Variants in TRPM3 observed in about 807,000 individuals in gnomAD.
TRPM3 encodes the protein long transient receptor potential channel 3.
A neutral mutation model predicts 181.2 loss-of-function variants in TRPM3; 77 were observed. That is an observed-to-expected ratio of 0.42 (90% CI 0.35 to 0.51). The LOEUF (loss-of-function observed/expected upper bound fraction) is 0.51, where lower values mean the gene tolerates loss of function less well. TRPM3 is among the 20% of genes least tolerant of loss of function. The pLI, the probability that TRPM3 is intolerant of heterozygous loss-of-function variation, is 0.01. For missense variants in TRPM3, 1,759 were observed against 2,196.7 expected, an observed-to-expected ratio of 0.80 and a Z score of 3.98; for synonymous variants, 745 against 796.4, an observed-to-expected ratio of 0.94 and a Z score of 1.09.
rs530735281 is a variant in TRPM3 at position 70,925,531 on chromosome 9, G to GA, written c.178-61021dup. On this transcript the variant is annotated intron_variant, in intron 1 of 25. Transcript: ENST00000677713. ...ATGGAACAAATGTTGGTAGAATATG[G>GA]AAAAAAATATATATATATATCCTCC... Among the ~76,000 whole-genome samples the GA allele has an allele frequency of 4.1e-3, 611 of 150,778 alleles. 3 individuals are homozygous for GA. The highest frequency in any genetic ancestry group is 0.014 in the African/African-American group (573 of 40,626).
intron 1 of TRPM3, among the ~76,000 whole-genome samples, chr9:71,289,010 G>A (rs2085545379): frequency 6.6e-6 from 1 of 152,072 alleles, no homozygotes; most frequent in Non-Finnish European, 1.5e-5. Context: ...AATGTAACTG[G>A]CTCAACAGTC....
intron 1 of TRPM3, among the ~76,000 whole-genome samples, chr9:71,397,690 C>T (rs185366978): frequency 1.3e-3 from 199 of 152,216 alleles, no homozygotes; most frequent in South Asian, 8.7e-3. Context: ...TAAGATTATG[C>T]AATTTGAAAT....
intron 1 of TRPM3, chr9:70,865,394 G>A (rs1483704928): frequency 6.6e-6 from 1 of 152,062 alleles, no homozygotes; most frequent in Non-Finnish European, 1.5e-5. Flanking sequence ...GCTGCTCAGA[G>A]GATTCCTTCT....
chr9:70,672,644 CT>C (rs2063194724), intron 9 of TRPM3, among the ~76,000 whole-genome samples: 1 of 152,168 alleles, frequency 6.6e-6, no homozygotes, highest in Non-Finnish European at 1.5e-5. Flanking sequence ...CACCCTTATT[CT>C]TGCCATTATA....
rs1564197207 is a variant in TRPM3 at position 70,536,959 on chromosome 9, A to G, written c.4154T>C (p.Val1385Ala). The change falls in exon 26 of 26, where the codon GTA becomes GCA. Residue 1385 changes from valine to alanine, a missense_variant. Coordinates refer to ENST00000677713, the MANE Select transcript of TRPM3 (RefSeq NM_001366145.2). ...SLHRATSSHSVAKEPKAPAAP... is the reference protein window; with the variant it reads ...SLHRATSSHSAAKEPKAPAAP... ...TGCAGGAGCTTTGGGTTCTTTTGCT[A>G]CAGAGTGGGAACTAGTAGCCCGGTG... 6.2e-7 allele frequency: 1 copy of G among 1,614,098 alleles called. No individual in the cohort carries two copies. Among genetic ancestry groups the G allele is most frequent in the Non-Finnish European group, 8.5e-7 (1 of 1,179,950 alleles).
intron 1 of TRPM3, among the ~76,000 whole-genome samples, chr9:70,895,771 A>C (rs575705180): frequency 6.6e-6 from 1 of 152,190 alleles, no homozygotes; most frequent in East Asian, 1.9e-4. Context: ...TTTATAACTT[A>C]CAAAAAAAAG....
chr9:70,923,392 T>C (rs1359027109), intron 1 of TRPM3, among the ~76,000 whole-genome samples: 1 of 152,114 alleles, frequency 6.6e-6, no homozygotes, highest in Admixed American at 6.6e-5. Flanking sequence ...GAACACTAGA[T>C]AGGATTACAA....
At chr9:70,948,526 T>C (rs2096960999) in intron 1 of TRPM3, among the ~76,000 whole-genome samples, 1 of 152,192 alleles carries the variant, frequency 6.6e-6, no homozygotes, top group Admixed American at 6.5e-5. Context: ...AAGGTGTATC[T>C]ATAAAGAACT....
intron 1 of TRPM3, among the ~76,000 whole-genome samples, chr9:71,258,347 C>T (rs2132057009): frequency 6.6e-6 from 1 of 152,302 alleles, no homozygotes; most frequent in East Asian, 1.9e-4. Flanking sequence ...CTTGCACCAC[C>T]TGGACCTGGC....
intron 1 of TRPM3, among the ~76,000 whole-genome samples, chr9:71,428,964 AAAAG>A (rs1383904564): frequency 6.6e-6 from 1 of 151,860 alleles, no homozygotes; most frequent in East Asian, 1.9e-4. Flanking sequence ...AAAAAAAAAA[AAAAG>A]GAAACAGGCT....
chr9:70,561,859 A>G (rs2049174970), intron 22 of TRPM3, among the ~76,000 whole-genome samples: 2 of 152,230 alleles, frequency 1.3e-5, no homozygotes, highest in Admixed American at 6.5e-5. Context: ...CTAGATAGTA[A>G]GGGATGACAC....
chr9:70,860,616 A>G (rs905552431), intron 3 of TRPM3, among the ~76,000 whole-genome samples: 1 of 152,202 alleles, frequency 6.6e-6, no homozygotes, highest in Admixed American at 6.5e-5. Context: ...GTCAACCAGT[A>G]GGCTAAGGGG....
intron 1 of TRPM3, among the ~76,000 whole-genome samples, chr9:71,107,411 C>CCTGTATT (rs1307010257): frequency 6.6e-6 from 1 of 152,140 alleles, no homozygotes; most frequent in African/African-American, 2.4e-5. Flanking sequence ...ATCTTCCCAG[C>CCTGTATT]CTGTATTTGG....
intron 1 of TRPM3, among the ~76,000 whole-genome samples, chr9:70,942,571 C>G (rs1351490570): frequency 6.6e-6 from 1 of 152,080 alleles, no homozygotes; most frequent in Non-Finnish European, 1.5e-5. Flanking sequence ...GTGGTCATAC[C>G]GTTTTTTCCA....
chr9:70,769,931 CCT>C (rs1157662567), intron 7 of TRPM3, among the ~76,000 whole-genome samples: 13 of 152,118 alleles, frequency 8.5e-5, no homozygotes, highest in Non-Finnish European at 2.9e-5. Flanking sequence ...CTCCCCCATG[CCT>C]CTTTGTCCTC....
intron 1 of TRPM3, among the ~76,000 whole-genome samples, chr9:71,278,058 G>A (rs778324305): frequency 4.7e-4 from 71 of 152,192 alleles, no homozygotes; most frequent in African/African-American, 1.5e-3. Context: ...GCAGCTGCTC[G>A]GATGTGTATC....
At chr9:70,557,825 G>A (rs1179703644) in intron 22 of TRPM3, among the ~76,000 whole-genome samples, 2 of 152,260 alleles carry the variant, frequency 1.3e-5, no homozygotes, top group Middle Eastern at 6.8e-3. Flanking sequence ...CATACCAAGT[G>A]GCATGTTGTC....
chr9:71,250,861 G>C (rs2082304380), intron 1 of TRPM3, among the ~76,000 whole-genome samples: 1 of 152,176 alleles, frequency 6.6e-6, no homozygotes, highest in African/African-American at 2.4e-5. Flanking sequence ...GATGACCTGG[G>C]ACCAGAGAGG....
chr9:70,649,125 G>A (rs190808236), intron 9 of TRPM3, among the ~76,000 whole-genome samples: 1 of 151,240 alleles, frequency 6.6e-6, no homozygotes, highest in East Asian at 1.9e-4. Flanking sequence ...GAATATATAA[G>A]GAACTTAAAC....
Sources: allele counts gnomAD v4.1 joint callset (sites outside exome capture counted in the v4.1 genomes callset), GRCh38; gene constraint gnomAD v4.1.1; transcripts MANE v1.5; gene names NCBI Gene and HGNC (gene_info 2026-07-23, HGNC 2026-07-21).